Variants in N4BP3 observed in about 807,000 individuals in gnomAD.
N4BP3 encodes NEDD4-binding protein 3.
A neutral mutation model predicts 43.8 loss-of-function variants in N4BP3; 33 were observed. The ratio of observed to expected loss-of-function variants is 0.75; its 90% CI spans 0.57 to 1.01. The LOEUF (loss-of-function observed/expected upper bound fraction) is 1.01, where lower values mean the gene tolerates loss of function less well. Among genes scored for constraint, N4BP3 ranks in the 50% least tolerant of loss-of-function variants. N4BP3 has a pLI of 0.00. For missense variants in N4BP3, 756 were observed against 744.2 expected, an observed-to-expected ratio of 1.02 and a Z score of -0.18; for synonymous variants, 326 against 321.9, an observed-to-expected ratio of 1.01 and a Z score of -0.14.
chr5:178,115,352 T>C (rs1374649711), intron 1 of N4BP3, among the ~76,000 whole-genome samples: 4 of 151,516 alleles, frequency 2.6e-5, no homozygotes, highest in East Asian at 3.9e-4. Context: ...CCCCCCCCTT[T>C]TGGAGCTGGG....
At position 178,118,131 on chromosome 5, in the gene N4BP3, C is replaced by G. The variant is rs575575856; in HGVS notation, c.-30-1423C>G. Among the ~76,000 whole-genome samples the G allele has an allele frequency of 1.3e-5, 2 of 152,156 alleles. No individual in the cohort carries two copies. The highest frequency in any genetic ancestry group is 2.9e-5 in the Non-Finnish European group (2 of 68,032). On this transcript the variant is annotated intron_variant, in intron 1 of 4. Transcript: ENST00000274605. This position sits in a 1 kb window ranked among gnomAD's most constrained non-coding sequence, Gnocchi z 5.4. ...ACTCGGCCAGACCTTTCTGCACGCC[C>G]GCTCCATGCTGGGCACTGGGCTGTG...
In N4BP3 at chr5:178,120,223, A is replaced by C. The variant is rs987512477; in HGVS notation, c.376A>C (p.Lys126Gln). The C allele has an allele frequency of 2.5e-6, 4 of 1,594,404 alleles. No homozygotes were observed. Among genetic ancestry groups the C allele is most frequent in the Non-Finnish European group, 3.4e-6 (4 of 1,167,876 alleles). ...SVFKPTAGNG[K>Q]GFLSMQSLAS... is the part of the protein sequence containing the mutation. ...GTTCAAGCCTACGGCGGGCAACGGG[A>C]AAGGCTTCCTATCCATGCAAAGTCT... Residue 126 changes from lysine (K) to glutamine (Q), a missense_variant, in exon 3 of 5, where the codon AAA (lysine) becomes CAA (glutamine). Coordinates refer to ENST00000274605, the MANE Select transcript of N4BP3 (RefSeq NM_015111.2).
At chr5:178,115,766 C>A (rs1308004281) in intron 1 of N4BP3, among the ~76,000 whole-genome samples, 1 of 152,220 alleles carries the variant, frequency 6.6e-6, no homozygotes, top group African/African-American at 2.4e-5. Context: ...TCAAAGAAAG[C>A]GCGTCCTCTC....
In N4BP3 at chr5:178,125,606, T is replaced by G. The variant is rs908167804; in HGVS notation, c.*3605T>G. 9 of 152,270 alleles carry G rather than the reference T, an allele frequency of 5.9e-5. No individual in the cohort carries two copies. The highest frequency in any genetic ancestry group is 8.8e-5 in the Non-Finnish European group (6 of 68,058). 9.4% of individuals were successfully genotyped at this position (152,270 alleles called of 1,614,324 possible). ...TTCAGAAAAGAAAAAGAATGATGCT[T>G]CTTGCAACAAAAACAAAAGTGATTA... On this transcript the variant is annotated 3_prime_UTR_variant, in exon 5 of 5. Transcript: ENST00000274605.
chr5:178,116,365 C>A (rs1472044439), intron 1 of N4BP3, among the ~76,000 whole-genome samples: 1 of 131,004 alleles, frequency 7.6e-6, no homozygotes, highest in Non-Finnish European at 1.6e-5. Context: ...GGGGCCCCCG[C>A]CCTGCTGGGG....
chr5:178,118,845 A>G lies in N4BP3; in HGVS notation c.-30-709A>G, dbSNP rs1757836921. Among the ~76,000 whole-genome samples the G allele has an allele frequency of 1.3e-5, 2 of 150,060 alleles. No individual in the cohort carries two copies. The highest frequency in any genetic ancestry group is 6.6e-5 in the Admixed American group (1 of 15,100). On this transcript the variant is annotated intron_variant, in intron 1 of 4. Coordinates refer to ENST00000274605, the MANE Select transcript of N4BP3 (RefSeq NM_015111.2). The surrounding 1 kb of genome is among the most constrained non-coding windows in gnomAD (Gnocchi z 5.4). ...ACATGGCAGGAGGGTAAGCAAGGTC[A>G]GGTTCAGCCAGGCTGAGTTTTCTTT...
In N4BP3 at chr5:178,119,806, G is replaced by A. The variant is rs765798667; in HGVS notation, c.223G>A (p.Ala75Thr). ...DSKSTKNTKR[A>T]PRNEPADYAT... Reference sequence around the variant, plus strand: ...CAAGAGCACCAAGAACACCAAGCGGGCCCCTCGGAACGAGCCTGCCGACTA... The same window carrying A: ...CAAGAGCACCAAGAACACCAAGCGGACCCCTCGGAACGAGCCTGCCGACTA... Residue 75 changes from alanine (A) to threonine (T), a missense_variant, in exon 2 of 5, where the codon GCC becomes ACC. Physicochemically the swap from Ala to Thr is moderately conservative, Grantham distance 58. Transcript: ENST00000274605. The A allele has an allele frequency of 1.2e-5, 19 of 1,613,292 alleles. No individual in the cohort carries two copies. Among genetic ancestry groups the A allele is most frequent in the Non-Finnish European group, 1.4e-5 (17 of 1,180,036 alleles).
intron 1 of N4BP3, among the ~76,000 whole-genome samples, chr5:178,114,426 A>G (rs946820019): frequency 3.3e-5 from 5 of 152,036 alleles, no homozygotes; most frequent in Non-Finnish European, 7.4e-5. Context: ...CTAGGTCTTG[A>G]CCGCCAGAGC....
Position 178,122,031 on chromosome 5 carries a change from A to G in N4BP3, c.*30A>G. ...AGCAGAGCGAGCTGACAGCAGCAAC[A>G]CTGTCAGAAGGTGCCCTGAGACGGC... On this transcript the variant is annotated 3_prime_UTR_variant, in exon 5 of 5. Transcript: ENST00000274605. 6.4e-7 allele frequency: 1 copy of G among 1,555,716 alleles called. No individual in the cohort carries two copies. The highest frequency in any genetic ancestry group is 8.7e-7 in the Non-Finnish European group (1 of 1,152,650).
At chr5:178,119,519 C>G in intron 1 of N4BP3, 35 bp from the exon 2 acceptor site, 1 of 1,451,248 alleles carries the variant, frequency 6.9e-7, no homozygotes, top group South Asian at 1.4e-5. Context: ...GCAGCCAGTG[C>G]TCACCTGCCC....
intron 2 of N4BP3, 103 bp from the exon 3 acceptor site, chr5:178,120,075 C>T (rs1013952040): frequency 2.1e-5 from 31 of 1,492,180 alleles, no homozygotes; most frequent in Non-Finnish European, 2.6e-5. Context: ...ACGTGCCCCG[C>T]GGTCTCAAAG....
chr5:178,120,297 C>A lies in N4BP3; in HGVS notation c.450C>A (p.His150Gln). ...QKLWRSNGSL[H>Q]TLACHPPLSP... ...TGTGGCGCAGCAATGGCAGCCTGCA[C>A]ACGCTGGCCTGCCACCCGCCCCTGA... The change falls in exon 3 of 5, where the codon CAC becomes CAA. Residue 150 changes from histidine (H) to glutamine (Q), a missense_variant. By Grantham distance (24) the His-to-Gln change is conservative. Coordinates refer to ENST00000274605, the MANE Select transcript of N4BP3 (RefSeq NM_015111.2). 1.9e-6 allele frequency: 3 copies of A among 1,609,420 alleles called. No homozygotes were observed. The highest frequency in any genetic ancestry group is 1.7e-6 in the Non-Finnish European group (2 of 1,178,114).
chr5:178,115,776 CCTT>C lies in N4BP3; in HGVS notation c.-31+2009_-31+2011del, dbSNP rs557324446. The stretch of plus-strand genomic sequence containing the variant: ...CCCCCTCAAAGAAAGCGCGTCCTCT[CCTT>C]CTTTGCTTCCTGGCCAGGGCAGCTG... On this transcript the variant is annotated intron_variant, in intron 1 of 4. Transcript: ENST00000274605. Among the ~76,000 whole-genome samples the C allele has an allele frequency of 1.2e-3, 187 of 152,312 alleles. No homozygotes were observed. The Middle Eastern group carries it at 0.041, about 33-fold the overall frequency.
rs1757996861 is a variant in N4BP3, at chr5:178,124,172, C to T, written c.*2171C>T. ...CCCACACACCTGGTGCCAGGGTCCA[C>T]CTTGGTATACCAGCTCGGCAGAACA... On this transcript the variant is annotated 3_prime_UTR_variant, in exon 5 of 5. Coordinates refer to ENST00000274605, the MANE Select transcript of N4BP3 (RefSeq NM_015111.2). 1 of 152,780 alleles carries T rather than the reference C, an allele frequency of 6.5e-6. No homozygotes were observed. Among genetic ancestry groups the T allele is most frequent in the South Asian group, 2.1e-4 (1 of 4,834 alleles). 9.5% of individuals were successfully genotyped at this position (152,780 alleles called of 1,614,324 possible).
In N4BP3 at chr5:178,116,261, G is replaced by A. The variant is rs935109056; in HGVS notation, c.-31+2490G>A. Among the ~76,000 whole-genome samples the A allele has an allele frequency of 2.0e-5, 3 of 152,212 alleles. 1 individual carries two copies. Among genetic ancestry groups the A allele is most frequent in the African/African-American group, 7.2e-5 (3 of 41,454 alleles). ...GCAACAGGAAGGAAGGAATGTATGT[G>A]TTGGGGGAGGGGGTGGAGGTAGGAT... On this transcript the variant is annotated intron_variant, in intron 1 of 4. Transcript: ENST00000274605.
rs1561617000 is a variant in N4BP3 at position 178,120,323 on chromosome 5, G to A, written c.476G>A (p.Ser159Asn). The change falls in exon 3 of 5, where the codon AGC becomes AAC. Residue 159 changes from serine to asparagine, a missense_variant. Transcript: ENST00000274605. ...LHTLACHPPL[S>N]PGPRASQARA... ...ACGCTGGCCTGCCACCCGCCCCTGA[G>A]CCCCGGGCCCCGGGCCAGCCAGGCC... 1 of 1,607,310 alleles carries A rather than the reference G, an allele frequency of 6.2e-7. No individual in the cohort carries two copies. Among genetic ancestry groups the A allele is most frequent in the African/African-American group, 1.3e-5 (1 of 74,848 alleles).
intron 1 of N4BP3, among the ~76,000 whole-genome samples, chr5:178,116,209 C>T (rs906331126): frequency 1.1e-4 from 16 of 151,978 alleles, no homozygotes; most frequent in African/African-American, 2.4e-4. Context: ...CTGCCCTGCC[C>T]GGAGCAGGCA....
Position 178,119,726 on chromosome 5 carries a change from AGGGCTT to A in N4BP3, c.148_153del (p.Leu50_Gly51del), listed in dbSNP as rs1396565932. 1.2e-6 allele frequency: 2 copies of A among 1,613,450 alleles called. No individual in the cohort carries two copies. Among genetic ancestry groups the A allele is most frequent in the Non-Finnish European group, 1.7e-6 (2 of 1,179,970 alleles). ...CGCCAGCCTGATGGGCTCCTCCGGA[AGGGCTT>A]GGGCCAGCGTGAGTTCCTCAGCTAC... On this transcript the variant is annotated inframe_deletion, in exon 2 of 5. Transcript: ENST00000274605.
chr5:178,119,936 T>A lies in N4BP3; in HGVS notation c.330+23T>A, dbSNP rs74318817. On this transcript the variant is annotated intron_variant, in intron 2 of 4. Transcript: ENST00000274605. ...AAGGTGCACCTTTGCCCATGCCCCT[T>A]ACAAGGTGTGGGGAGGGTGGGGTCT... 4,416 of 1,575,654 alleles carry A rather than the reference T, an allele frequency of 2.8e-3. 13 individuals are homozygous for A. Among genetic ancestry groups the A allele is most frequent in the Non-Finnish European group, 3.6e-3 (4,181 of 1,163,610 alleles).
Sources: allele counts gnomAD v4.1 joint callset (sites outside exome capture counted in the v4.1 genomes callset), GRCh38; gene constraint gnomAD v4.1.1; non-coding constraint Gnocchi (gnomAD v3.1); transcripts MANE v1.5; gene names NCBI Gene and HGNC (gene_info 2026-07-23, HGNC 2026-07-21).